Variants in CSGALNACT1 observed in about 807,000 individuals in gnomAD.
CSGALNACT1 encodes the protein chondroitin sulfate N-acetylgalactosaminyltransferase 1, also known as beta4GalNAcT-1.
CSGALNACT1 carries 52 observed loss-of-function variants against 51.0 expected under a neutral mutation model. The observed-to-expected ratio is 1.02, with a 90% CI of 0.82 to 1.29. The LOEUF is 1.29. CSGALNACT1 is among the 50% of genes most tolerant of loss of function. The probability of loss-of-function intolerance (pLI) is 0.00; values close to 1 mark genes in which losing one functional copy is unlikely to be tolerated. For missense variants in CSGALNACT1, 935 were observed against 679.2 expected (o/e 1.38, Z -4.19); for synonymous variants, 341 against 254.4 (o/e 1.34, Z -3.24).
intron 4 of CSGALNACT1, among the ~76,000 whole-genome samples, chr8:19,463,754 A>G (rs2066067730): frequency 6.6e-6 from 1 of 152,176 alleles, no homozygotes; most frequent in Admixed American, 6.5e-5. Flanking sequence ...CCTCCCTTCC[A>G]TAAATGCTAA....
intron 4 of CSGALNACT1, among the ~76,000 whole-genome samples, chr8:19,483,467 C>A (rs1487546122): frequency 6.6e-6 from 1 of 152,228 alleles, no homozygotes; most frequent in Admixed American, 6.5e-5. Context: ...TGCCCTAGGG[C>A]TCTGCATACC....
chr8:19,541,018 C>T (rs768711196), intron 3 of CSGALNACT1, among the ~76,000 whole-genome samples: 4 of 152,136 alleles, frequency 2.6e-5, no homozygotes, highest in Non-Finnish European at 5.9e-5. Flanking sequence ...AACTCTTTAT[C>T]ACCTTCACTA....
chr8:19,515,754 T>C (rs4554481), intron 3 of CSGALNACT1, among the ~76,000 whole-genome samples: 50,178 of 151,648 alleles, frequency 0.33, 10,914 homozygotes, highest in African/African-American at 0.63. Flanking sequence ...GCTGGCAAAC[T>C]TTTAGAGAGG....
chr8:19,584,468 G>C (rs889221534), intron 3 of CSGALNACT1, among the ~76,000 whole-genome samples: 7 of 152,236 alleles, frequency 4.6e-5, no homozygotes, highest in East Asian at 1.9e-4. Context: ...GTTAACCTTG[G>C]ATTAATATTT....
chr8:19,615,460 A>G (rs1434298604), intron 1 of CSGALNACT1, among the ~76,000 whole-genome samples: 2 of 152,220 alleles, frequency 1.3e-5, no homozygotes, highest in South Asian at 2.1e-4. Flanking sequence ...AAACAAACCA[A>G]TTTTATTTTT....
chr8:19,684,798 G>A (rs1439368292), upstream of CSGALNACT1, among the ~76,000 whole-genome samples: 4 of 152,208 alleles, frequency 2.6e-5, no homozygotes, highest in Admixed American at 1.3e-4. Flanking sequence ...AAGAAAAAAA[G>A]AACGTGAATC....
chr8:19,427,583 T>A (rs918698888), intron 6 of CSGALNACT1, among the ~76,000 whole-genome samples: 3 of 152,028 alleles, frequency 2.0e-5, no homozygotes, highest in African/African-American at 7.3e-5. Context: ...GGTCAGGAGA[T>A]CGAGACCATC....
intron 1 of CSGALNACT1, among the ~76,000 whole-genome samples, chr8:19,689,519 G>T (rs2061169802): frequency 6.6e-6 from 1 of 152,156 alleles, no homozygotes. Flanking sequence ...TTTTGAAGAG[G>T]TTTGCTACAC....
At chr8:19,613,738 A>G (rs982390958) in intron 1 of CSGALNACT1, among the ~76,000 whole-genome samples, 3 of 152,212 alleles carry the variant, frequency 2.0e-5, no homozygotes, top group Non-Finnish European at 2.9e-5. Context: ...TATTATTATA[A>G]ATGGCTCTCC....
intron 1 of CSGALNACT1, among the ~76,000 whole-genome samples, chr8:19,643,482 C>CA (rs1441715677): frequency 1.3e-5 from 2 of 151,888 alleles, no homozygotes; most frequent in Non-Finnish European, 2.9e-5. Flanking sequence ...ACTAAAAATA[C>CA]AAAAAATTAG....
chr8:19,458,353 G>C lies in CSGALNACT1; in HGVS notation c.851+73C>G, dbSNP rs112678291. ...TGTACTCGGCAGGGGAAATGAAGGA[G>C]ATGACGGGAAATGATATCAGTGTTC... is the stretch of plus-strand genomic sequence containing the variant. On this transcript the variant is annotated intron_variant, in intron 5 of 9. Coordinates refer to ENST00000454498, the Ensembl canonical transcript of CSGALNACT1. 32 of 1,207,312 alleles carry C rather than the reference G, an allele frequency of 2.7e-5. 2 individuals carry two copies. The highest frequency in any genetic ancestry group is 1.6e-4 in the African/African-American group (11 of 67,186). The allele number at this position is 1,207,312 out of a possible 1,614,324, so 74.8% of individuals were successfully genotyped here. A position where few individuals can be genotyped will look rare whatever the true frequency, so the allele number is the denominator to read the frequency against.
At chr8:19,747,208 T>C (rs1210445159) in intron 1 of CSGALNACT1, among the ~76,000 whole-genome samples, 1 of 151,844 alleles carries the variant, frequency 6.6e-6, no homozygotes, top group East Asian at 1.9e-4. Flanking sequence ...AGCCAGCAAA[T>C]AATTCCTGCA....
At chr8:19,603,285 A>T (rs1305477183), upstream of CSGALNACT1, among the ~76,000 whole-genome samples, 1 of 152,188 alleles carries the variant, frequency 6.6e-6, no homozygotes, top group African/African-American at 2.4e-5. Flanking sequence ...TGACATGAAC[A>T]AAGTCAGCTG....
chr8:19,667,930 T>C (rs931365753), intron 1 of CSGALNACT1, among the ~76,000 whole-genome samples: 3 of 151,946 alleles, frequency 2.0e-5, no homozygotes, highest in Non-Finnish European at 4.4e-5. Flanking sequence ...TAAGAAGAAA[T>C]AGAATTAAAG....
intron 3 of CSGALNACT1, among the ~76,000 whole-genome samples, chr8:19,550,817 G>A (rs1204066257): frequency 6.6e-6 from 1 of 152,156 alleles, no homozygotes; most frequent in Non-Finnish European, 1.5e-5. Flanking sequence ...TGCTTAGAAG[G>A]AAGATAGCAC....
chr8:19,626,417 C>G (rs1013385101), intron 1 of CSGALNACT1, among the ~76,000 whole-genome samples: 1 of 152,098 alleles, frequency 6.6e-6, no homozygotes, highest in African/African-American at 2.4e-5. Context: ...ATCTAAACCA[C>G]ACCTTTAACA....
chr8:19,519,136 A>G (rs1211076706), intron 3 of CSGALNACT1, among the ~76,000 whole-genome samples: 1 of 152,174 alleles, frequency 6.6e-6, no homozygotes, highest in Non-Finnish European at 1.5e-5. Context: ...AGATACAGGT[A>G]AAAGTGTTCA....
chr8:19,468,013 T>C (rs75606217), intron 4 of CSGALNACT1, among the ~76,000 whole-genome samples: 2,779 of 152,178 alleles, frequency 0.018, 82 homozygotes, highest in African/African-American at 0.063. Flanking sequence ...AAGATGAACA[T>C]GATAAAATCA....
At chr8:19,513,436 C>CTCTCTCTCTCTCTCTCTCTATATATA in intron 3 of CSGALNACT1, among the ~76,000 whole-genome samples, 3 of 81,974 alleles carry the variant, frequency 3.7e-5, no homozygotes, top group African/African-American at 1.1e-4. Flanking sequence ...CTCTCTCTCT[C>CTCTCTCTCTCTCTCTCTCTATATATA]TATATATATA....
Sources: gnomAD v4.1 joint callset for allele counts (sites outside exome capture counted in the v4.1 genomes callset) on GRCh38, gnomAD v4.1.1 for gene constraint, MANE v1.5 for transcripts, NCBI Gene and HGNC (gene_info 2026-07-23, HGNC 2026-07-21) for gene names.